Variants in MAST4 observed in about 807,000 individuals in gnomAD.
MAST4 encodes the protein microtubule associated serine/threonine kinase family member 4, also known as microtubule-associated serine/threonine-protein kinase 4.
MAST4 carries 89 observed loss-of-function variants against 162.7 expected under a neutral mutation model. That is an observed-to-expected ratio of 0.55 (90% CI 0.46 to 0.65). The LOEUF (loss-of-function observed/expected upper bound fraction) is 0.65. MAST4 is among the 30% of genes least tolerant of loss of function. The probability of loss-of-function intolerance (pLI) is 0.00; values close to 1 mark genes in which losing one functional copy is unlikely to be tolerated. For missense variants in MAST4, 3,153 were observed against 3,374.0 expected (o/e 0.93, Z 1.62); for synonymous variants, 1,479 against 1,361.1 (o/e 1.09, Z -1.91).
Position 67,164,600 on chromosome 5 carries a change from T to C in MAST4, c.5421T>C (p.Ile1807=), listed in dbSNP as rs527989588. 3.1e-6 allele frequency: 5 copies of C among 1,613,968 alleles called. 1 individual carries two copies. In the South Asian group the frequency reaches 5.5e-5, roughly 18 times the overall value. ...CLKPIEGTLD[I]ALLSGPQASK... ...AGCCGATCGAGGGCACTCTGGACAT[T>C]GCTCTCCTGTCCGGACCTCAGGCCT... The change falls in exon 29 of 29, where the codon ATT becomes ATC. Residue 1807 remains isoleucine, a synonymous_variant. Transcript: ENST00000403625. The surrounding 1 kb of genome is among the most constrained non-coding windows in gnomAD (Gnocchi z 5.3).
chr5:66,800,465 T>G (rs984132748), intron 3 of MAST4, among the ~76,000 whole-genome samples: 11 of 152,164 alleles, frequency 7.2e-5, no homozygotes, highest in African/African-American at 2.7e-4. Flanking sequence ...TACTGTATGT[T>G]CTAACTTATA....
rs1296137564 is a variant in MAST4 at position 67,168,090 on chromosome 5, C to T, written c.*1039C>T. 1 of 152,140 alleles carries T rather than the reference C, an allele frequency of 6.6e-6. No homozygotes were observed. Among genetic ancestry groups the T allele is most frequent in the African/African-American group, 2.4e-5 (1 of 41,420 alleles). 9.4% of individuals were successfully genotyped at this position (152,140 alleles called of 1,614,324 possible). A position where few individuals can be genotyped will look rare whatever the true frequency, so the allele number is the denominator to read the frequency against. The stretch of plus-strand genomic sequence containing the variant: ...AATCTTCTAGTACTTGAGTAATAAG[C>T]ATCAGGCATTGGAAGAGGTTTTAAA... On this transcript the variant is annotated 3_prime_UTR_variant, in exon 29 of 29. Transcript: ENST00000403625.
intron 4 of MAST4, among the ~76,000 whole-genome samples, chr5:66,971,754 G>A (rs1747458431): frequency 6.6e-6 from 1 of 152,166 alleles, no homozygotes; most frequent in African/African-American, 2.4e-5. Flanking sequence ...GGGTGCATGT[G>A]TATGTGTGTG....
At chr5:66,610,262 G>A (rs1401258701) in intron 1 of MAST4, among the ~76,000 whole-genome samples, 1 of 151,956 alleles carries the variant, frequency 6.6e-6, no homozygotes, top group East Asian at 1.9e-4. Flanking sequence ...TTTTTATAAG[G>A]ATACCAGTCA....
In MAST4 at chr5:66,945,793, T is replaced by G. The variant is rs144983896; in HGVS notation, c.674+45811T>G. ...AATGATCTTTTATACAGAATCATTATGTAGTGATAGTAGGTTTTTAAATGG... is the reference window on the plus strand; with the variant it reads ...AATGATCTTTTATACAGAATCATTAGGTAGTGATAGTAGGTTTTTAAATGG... On this transcript the variant is annotated intron_variant, in intron 4 of 28. Transcript: ENST00000403625. Among the ~76,000 whole-genome samples the G allele has an allele frequency of 4.6e-3, 705 of 152,286 alleles. 5 individuals are homozygous for G. The highest frequency in any genetic ancestry group is 0.016 in the African/African-American group (662 of 41,560).
At chr5:66,947,231 A>T (rs1025409806) in intron 4 of MAST4, among the ~76,000 whole-genome samples, 7 of 151,942 alleles carry the variant, frequency 4.6e-5, no homozygotes, top group African/African-American at 1.7e-4. Context: ...AAATGAGTAT[A>T]TTTTTTCTGC....
chr5:66,864,702 A>G (rs1319080444), intron 3 of MAST4, among the ~76,000 whole-genome samples: 4 of 151,156 alleles, frequency 2.6e-5, no homozygotes, highest in Non-Finnish European at 5.9e-5. Context: ...GGATGAAGAC[A>G]CAAGGAGAAG....
At chr5:66,653,211 A>G (rs565399007) in intron 1 of MAST4, among the ~76,000 whole-genome samples, 2 of 152,304 alleles carry the variant, frequency 1.3e-5, no homozygotes, top group South Asian at 2.1e-4. Context: ...GATGCAAATG[A>G]TGCATGTTAA....
chr5:66,678,047 G>A (rs1031654147), intron 1 of MAST4, among the ~76,000 whole-genome samples: 19 of 152,156 alleles, frequency 1.2e-4, no homozygotes, highest in African/African-American at 4.6e-4. Flanking sequence ...AGAATCTAAA[G>A]CTGCAAGTGC....
intron 2 of MAST4, among the ~76,000 whole-genome samples, chr5:66,770,020 CTT>C (rs1265536996): frequency 3.9e-5 from 6 of 152,294 alleles, no homozygotes; most frequent in Non-Finnish European, 7.4e-5. Context: ...CAAGAATTCT[CTT>C]GAGTCGGTCT....
At chr5:66,779,737 G>T (rs1410069349) in intron 2 of MAST4, among the ~76,000 whole-genome samples, 2 of 152,186 alleles carry the variant, frequency 1.3e-5, no homozygotes, top group African/African-American at 4.8e-5. Context: ...GAGCAATGGG[G>T]CAGAGAAGAA....
chr5:66,656,635 A>G (rs1466223472), intron 1 of MAST4, among the ~76,000 whole-genome samples: 1 of 152,140 alleles, frequency 6.6e-6, no homozygotes, highest in Non-Finnish European at 1.5e-5. Context: ...GATTAGGTTC[A>G]CTGGTTTTTC....
intron 4 of MAST4, among the ~76,000 whole-genome samples, chr5:66,927,977 A>G (rs547382380): frequency 6.6e-6 from 1 of 152,064 alleles, no homozygotes; most frequent in Non-Finnish European, 1.5e-5. Context: ...TTATCTTTAC[A>G]TGACATTTCT....
intron 1 of MAST4, among the ~76,000 whole-genome samples, chr5:66,639,278 T>TTTGTGTGTG: frequency 7.2e-6 from 1 of 138,720 alleles, no homozygotes; most frequent in Non-Finnish European, 1.6e-5. Flanking sequence ...GAGAGGCAGC[T>TTTGTGTGTG]TGTGTGTGTG....
intron 3 of MAST4, among the ~76,000 whole-genome samples, chr5:66,798,961 G>A (rs759298671): frequency 1.3e-5 from 2 of 152,064 alleles, no homozygotes; most frequent in African/African-American, 4.8e-5. Context: ...GTGATACTTT[G>A]TACCCCCTTT....
chr5:67,041,675 C>T (rs1303890703), intron 4 of MAST4, among the ~76,000 whole-genome samples: 1 of 152,248 alleles, frequency 6.6e-6, no homozygotes, highest in African/African-American at 2.4e-5. Flanking sequence ...GTTGCCCAAA[C>T]TGGAGTGCAG....
At chr5:67,160,939 A>G (rs567510799) in intron 27 of MAST4, among the ~76,000 whole-genome samples, 110 of 152,362 alleles carry the variant, frequency 7.2e-4, no homozygotes, top group Middle Eastern at 3.4e-3. Context: ...CTACATTTAA[A>G]ATGTCCTTTA....
chr5:66,606,877 A>G (rs932137042), intron 1 of MAST4, among the ~76,000 whole-genome samples: 4 of 150,148 alleles, frequency 2.7e-5, no homozygotes, highest in East Asian at 2.0e-4. Context: ...TTAAATGAGT[A>G]TATGAATTTA....
At chr5:66,789,511 T>G (rs1982328) in intron 3 of MAST4, among the ~76,000 whole-genome samples, 47,639 of 152,060 alleles carry the variant, frequency 0.31, 7,908 homozygotes, top group Non-Finnish European at 0.37. Flanking sequence ...CATTTTTGAA[T>G]AATTTTTTAA....
Sources: gnomAD v4.1 joint callset for allele counts (sites outside exome capture counted in the v4.1 genomes callset) on GRCh38, gnomAD v4.1.1 for gene constraint, Gnocchi (gnomAD v3.1) non-coding constraint, MANE v1.5 for transcripts, NCBI Gene and HGNC (gene_info 2026-07-23, HGNC 2026-07-21) for gene names.